Variants in FAM193A observed in about 807,000 individuals in gnomAD.
FAM193A encodes the protein family with sequence similarity 193 member A.
FAM193A carries 22 observed loss-of-function variants against 126.5 expected under a neutral mutation model. The ratio of observed to expected loss-of-function variants is 0.17; its 90% CI spans 0.12 to 0.25. FAM193A has a LOEUF of 0.25. Ranked by LOEUF, FAM193A falls within the 10% of genes least tolerant of loss-of-function variation. The probability of loss-of-function intolerance (pLI) is 1.00; values close to 1 mark genes in which losing one functional copy is unlikely to be tolerated. For missense variants in FAM193A, 1,675 were observed against 1,672.8 expected (o/e 1.00, Z -0.02); for synonymous variants, 761 against 646.8 (o/e 1.18, Z -2.68).
At chr4:2,649,273 G>A (rs1423189069) in intron 7 of FAM193A, among the ~76,000 whole-genome samples, 1 of 151,592 alleles carries the variant, frequency 6.6e-6, no homozygotes, top group Non-Finnish European at 1.5e-5. Flanking sequence ...ACTCCAGAGA[G>A]TGAGTGGGGG....
At chr4:2,722,468 C>G (rs1720268997) in intron 20 of FAM193A, among the ~76,000 whole-genome samples, 1 of 152,140 alleles carries the variant, frequency 6.6e-6, no homozygotes, top group Admixed American at 6.6e-5. Context: ...GCATTCTATT[C>G]CAGCTGCTGT....
At chr4:2,539,332 T>C (rs567608007) in intron 1 of FAM193A, among the ~76,000 whole-genome samples, 1 of 152,294 alleles carries the variant, frequency 6.6e-6, no homozygotes, top group Admixed American at 6.6e-5. Context: ...GTTTTACTAA[T>C]TACTAAGGGC....
rs930464283 is a variant in FAM193A, at chr4:2,657,843, G to T, written c.1352G>T (p.Trp451Leu). 1 of 1,612,872 alleles carries T rather than the reference G, an allele frequency of 6.2e-7. No homozygotes were observed. Residue 451 changes from tryptophan (W) to leucine (L), a missense_variant, in exon 8 of 21, where the codon TGG becomes TTG. Physicochemically the swap from Trp to Leu is moderately conservative, Grantham distance 61. Transcript: ENST00000637812. ...AAGCAGCGCATGTTAACAGAAGACT[G>T]GGAGCTTTTTAAACAAAGAAGATTC... ...KTKQRMLTED[W>L]ELFKQRRFIE...
intron 1 of FAM193A, among the ~76,000 whole-genome samples, chr4:2,587,565 G>A (rs760198811): frequency 1.3e-5 from 2 of 150,650 alleles, no homozygotes; most frequent in Non-Finnish European, 2.9e-5. Flanking sequence ...GGTGGTGCAT[G>A]CCTGTAGTTC....
intron 4 of FAM193A, among the ~76,000 whole-genome samples, chr4:2,626,785 G>A (rs757686800): frequency 3.3e-5 from 5 of 152,170 alleles, no homozygotes; most frequent in South Asian, 4.1e-4. Flanking sequence ...TTGATGAAAC[G>A]CTATTGCCTG....
chr4:2,726,294 C>T (rs760853186), intron 20 of FAM193A, among the ~76,000 whole-genome samples: 4 of 152,208 alleles, frequency 2.6e-5, no homozygotes, highest in African/African-American at 4.8e-5. Flanking sequence ...TCTGCCTCGG[C>T]CTTCCAAACG....
At chr4:2,548,995 G>A (rs1229700484) in intron 1 of FAM193A, among the ~76,000 whole-genome samples, 1 of 151,730 alleles carries the variant, frequency 6.6e-6, no homozygotes, top group African/African-American at 2.4e-5. Flanking sequence ...CTGGAGTGTA[G>A]TGGTGTGATC....
intron 13 of FAM193A, among the ~76,000 whole-genome samples, chr4:2,677,460 G>C (rs1714544843): frequency 6.6e-6 from 1 of 151,846 alleles, no homozygotes; most frequent in African/African-American, 2.4e-5. Flanking sequence ...GTTTGGGTTG[G>C]CCGGGCACGG....
intron 10 of FAM193A, among the ~76,000 whole-genome samples, chr4:2,661,380 G>A (rs908287323): frequency 6.6e-6 from 1 of 152,204 alleles, no homozygotes; most frequent in Non-Finnish European, 1.5e-5. Flanking sequence ...TGGATCTTAT[G>A]GGTTGGATCT....
At chr4:2,593,393 C>T (rs963058216) in intron 1 of FAM193A, among the ~76,000 whole-genome samples, 3 of 152,216 alleles carry the variant, frequency 2.0e-5, no homozygotes, top group Non-Finnish European at 4.4e-5. Context: ...CCACTGGGCT[C>T]CCCACAAGGT....
chr4:2,549,863 G>T (rs1253168556), intron 1 of FAM193A, among the ~76,000 whole-genome samples: 2 of 151,648 alleles, frequency 1.3e-5, no homozygotes, highest in African/African-American at 2.4e-5. Flanking sequence ...AAGTAGCTGG[G>T]ACTACAGGCA....
intron 1 of FAM193A, among the ~76,000 whole-genome samples, chr4:2,552,154 G>A (rs977922226): frequency 6.6e-6 from 1 of 151,732 alleles, no homozygotes; most frequent in African/African-American, 2.4e-5. Flanking sequence ...TGGGACTACA[G>A]GTGCCCACCA....
Position 2,678,021 on chromosome 4 carries a change from CAG to C in FAM193A, c.2331+5652_2331+5653del, listed in dbSNP as rs559472301. Among the ~76,000 whole-genome samples the C allele has an allele frequency of 1.3e-3, 199 of 152,186 alleles. 1 individual carries two copies. The highest frequency in any genetic ancestry group is 4.6e-3 in the African/African-American group (189 of 41,516). Reference sequence around the variant, plus strand: ...TGTTTGTTTGTTTGTTTGTTTGAGACAGAGTCTCCCTCTGTTACCCAGGCTGG... The same window carrying C: ...TGTTTGTTTGTTTGTTTGTTTGAGACAGTCTCCCTCTGTTACCCAGGCTGG... On this transcript the variant is annotated intron_variant, in intron 13 of 20. Transcript: ENST00000637812.
intron 12 of FAM193A, among the ~76,000 whole-genome samples, chr4:2,664,788 C>G (rs761762004): frequency 6.6e-6 from 1 of 152,066 alleles, no homozygotes; most frequent in Non-Finnish European, 1.5e-5. Context: ...TGGTCTCGAA[C>G]TCCTGACCTT....
intron 1 of FAM193A, among the ~76,000 whole-genome samples, chr4:2,576,917 G>C (rs1373498204): frequency 6.6e-6 from 1 of 152,196 alleles, no homozygotes; most frequent in Non-Finnish European, 1.5e-5. Context: ...AGCAGGAATA[G>C]AGATGTACCT....
chr4:2,553,931 G>A lies in FAM193A; in HGVS notation c.255+16761G>A, dbSNP rs528046233. Among the ~76,000 whole-genome samples the A allele has an allele frequency of 2.0e-5, 3 of 152,172 alleles. No individual in the cohort carries two copies. The South Asian group carries it at 6.2e-4, about 32-fold the overall frequency. On this transcript the variant is annotated intron_variant, in intron 1 of 20. Transcript: ENST00000637812. Reference sequence around the variant, plus strand: ...CCACCATCCATGTAAGACCTGACTTGTTCCTCTTTGCCTTCCACCGTGATT... The same window carrying A: ...CCACCATCCATGTAAGACCTGACTTATTCCTCTTTGCCTTCCACCGTGATT...
At chr4:2,693,257 A>G (rs903767237) in intron 15 of FAM193A, among the ~76,000 whole-genome samples, 1 of 152,078 alleles carries the variant, frequency 6.6e-6, no homozygotes, top group African/African-American at 2.4e-5. Context: ...TGACCTCATG[A>G]TCCACCAGCC....
At chr4:2,570,692 A>G (rs933088184) in intron 1 of FAM193A, among the ~76,000 whole-genome samples, 4 of 152,118 alleles carry the variant, frequency 2.6e-5, no homozygotes, top group African/African-American at 9.7e-5. Flanking sequence ...TTTAGGAGAC[A>G]GTGTCTCTGT....
intron 7 of FAM193A, among the ~76,000 whole-genome samples, chr4:2,652,099 T>C (rs890266807): frequency 5.3e-5 from 8 of 152,204 alleles, no homozygotes; most frequent in African/African-American, 1.9e-4. Flanking sequence ...TGGTGGCCTC[T>C]GTGCCTGGTA....
Sources: allele counts gnomAD v4.1 joint callset (sites outside exome capture counted in the v4.1 genomes callset), GRCh38; gene constraint gnomAD v4.1.1; transcripts MANE v1.5; gene names NCBI Gene and HGNC (gene_info 2026-07-23, HGNC 2026-07-21).